The following COL5A2 variants were observed in gnomAD, a reference collection of about 807,000 sequenced individuals.
The protein encoded by COL5A2 is collagen type V alpha 2 chain, also known as collagen alpha-2(V) chain.
In COL5A2, 23 loss-of-function variants were observed where a neutral mutation model predicts 208.2. The ratio of observed to expected loss-of-function variants is 0.11; its 90% CI spans 0.08 to 0.16. The LOEUF (loss-of-function observed/expected upper bound fraction) is 0.16, where lower values mean the gene tolerates loss of function less well. Among genes scored for constraint, COL5A2 ranks in the 10% least tolerant of loss-of-function variants. The pLI, the probability that COL5A2 is intolerant of heterozygous loss-of-function variation, is 1.00. For synonymous variants in COL5A2, 625 were observed against 628.5 expected (o/e 0.99, Z 0.08); for missense variants, 1,590 against 1,956.4 (o/e 0.81, Z 3.53).
the COL5A2 span, among the ~76,000 whole-genome samples, chr2:189,252,752 T>TATA: frequency 0.91 from 137,592 of 151,544 alleles, 63,029 homozygotes; most frequent in East Asian, 1. Flanking sequence ...CCTATTAAAG[T>TATA]ATAATAAAAA....
At chr2:189,146,720 A>G (rs531443809) in intron 1 of COL5A2, among the ~76,000 whole-genome samples, 89 of 152,316 alleles carry the variant, frequency 5.8e-4, no homozygotes, top group Non-Finnish European at 1.0e-3. Context: ...TTTAAAATAC[A>G]TCATTAGAAG....
chr2:189,430,697 G>A, the COL5A2 span, among the ~76,000 whole-genome samples: 1 of 25,212 alleles, frequency 4.0e-5, no homozygotes, highest in Non-Finnish European at 4.5e-4. Flanking sequence ...TGAACTGGGT[G>A]GAGGCCCACT....
chr2:189,062,817 T>C (rs755099071), intron 29 of COL5A2, 48 bp downstream of exon 29: 16 of 1,608,450 alleles, frequency 9.9e-6, no homozygotes, highest in Non-Finnish European at 1.4e-5. Flanking sequence ...AAAAATGCAA[T>C]GTGTGTATAT....
intron 1 of COL5A2, among the ~76,000 whole-genome samples, chr2:189,116,925 T>C (rs781413177): frequency 4.3e-4 from 65 of 152,318 alleles, no homozygotes; most frequent in Middle Eastern, 3.4e-3. Flanking sequence ...TTCATTTCAA[T>C]GCATTTCAGT....
At chr2:189,167,950 T>TTTTC (rs1259871773) in intron 1 of COL5A2, among the ~76,000 whole-genome samples, 3 of 151,058 alleles carry the variant, frequency 2.0e-5, no homozygotes, top group Non-Finnish European at 4.4e-5. Context: ...TCCTATTTTT[T>TTTTC]TTTTTTTGAG....
At chr2:189,213,396 A>G (rs1013184585) in intron 1 of COL5A2, among the ~76,000 whole-genome samples, 4 of 152,224 alleles carry the variant, frequency 2.6e-5, no homozygotes, top group African/African-American at 9.6e-5. Flanking sequence ...ACAAACACTG[A>G]AAGTGTGCCA....
At chr2:189,374,320 G>A in the COL5A2 span, among the ~76,000 whole-genome samples, 1 of 140,064 alleles carries the variant, frequency 7.1e-6, no homozygotes, top group African/African-American at 2.7e-5. Flanking sequence ...TTTTTTTTTT[G>A]AGGGAGAAAT....
intron 20 of COL5A2, 21 bp downstream of exon 20, chr2:189,068,205 T>A: frequency 6.2e-7 from 1 of 1,613,152 alleles, no homozygotes; most frequent in Non-Finnish European, 8.5e-7. Flanking sequence ...GAGCTTCACA[T>A]GCCATAAATG....
At chr2:189,258,134 A>C in the COL5A2 span, among the ~76,000 whole-genome samples, 1 of 152,102 alleles carries the variant, frequency 6.6e-6, no homozygotes, top group Non-Finnish European at 1.5e-5. Context: ...AAATAAAATA[A>C]AAAATAAATA....
the COL5A2 span, among the ~76,000 whole-genome samples, chr2:189,346,397 G>A: frequency 6.6e-6 from 1 of 152,010 alleles, no homozygotes. Flanking sequence ...TACTATCAAT[G>A]TTCATACCAA....
chr2:189,419,955 G>GGGAGA, the COL5A2 span, among the ~76,000 whole-genome samples: 1 of 144,764 alleles, frequency 6.9e-6, no homozygotes, highest in Non-Finnish European at 1.5e-5. Context: ...AGGAAAAGAG[G>GGGAGA]TGAGAGGAGA....
chr2:189,250,880 G>A, the COL5A2 span, among the ~76,000 whole-genome samples: 12 of 152,024 alleles, frequency 7.9e-5, no homozygotes, highest in Admixed American at 2.0e-4. Flanking sequence ...AAGGAAAAGC[G>A]GCTAAAATGG....
intron 35 of COL5A2, among the ~76,000 whole-genome samples, chr2:189,056,196 T>C (rs998295629): frequency 2.0e-5 from 3 of 152,156 alleles, no homozygotes; most frequent in African/African-American, 7.2e-5. Context: ...TTTATTATGT[T>C]ACAACTGTAA....
intron 16 of COL5A2, among the ~76,000 whole-genome samples, chr2:189,077,472 T>A (rs1025820484): frequency 1.3e-5 from 2 of 152,158 alleles, no homozygotes; most frequent in Non-Finnish European, 2.9e-5. Context: ...AGTGCTGACA[T>A]GGGAGACAGT....
At chr2:189,356,136 G>T in the COL5A2 span, among the ~76,000 whole-genome samples, 990 of 152,336 alleles carry the variant, frequency 6.5e-3, 7 homozygotes, top group Non-Finnish European at 0.011. Flanking sequence ...TCTGCAGAGA[G>T]ATCCACTGTT....
At chr2:189,314,241 A>T in the COL5A2 span, among the ~76,000 whole-genome samples, 1 of 152,306 alleles carries the variant, frequency 6.6e-6, no homozygotes. Context: ...CATAACAAAC[A>T]GTCTCTCAGA....
chr2:189,207,831 A>G (rs1191171039), intron 1 of COL5A2, among the ~76,000 whole-genome samples: 3 of 152,152 alleles, frequency 2.0e-5, no homozygotes, highest in Non-Finnish European at 4.4e-5. Context: ...GTAACATTCA[A>G]AACTGTTGCT....
the COL5A2 span, among the ~76,000 whole-genome samples, chr2:189,252,018 T>C: frequency 3.9e-5 from 6 of 152,128 alleles, no homozygotes; most frequent in Non-Finnish European, 5.9e-5. Context: ...AAAATGCTCA[T>C]CATCACTGGC....
chr2:189,434,385 A>C, the COL5A2 span, among the ~76,000 whole-genome samples: 26 of 152,298 alleles, frequency 1.7e-4, no homozygotes, highest in Non-Finnish European at 2.9e-4. Flanking sequence ...ATAGGAAGTC[A>C]AATTGTCCCT....
Sources: allele counts gnomAD v4.1 joint callset (sites outside exome capture counted in the v4.1 genomes callset), GRCh38; gene constraint gnomAD v4.1.1; transcripts MANE v1.5; gene names NCBI Gene and HGNC (gene_info 2026-07-23, HGNC 2026-07-21).